SULF2: variants seen among roughly 807,000 people sequenced by gnomAD.
SULF2 encodes sulfatase 2.
In SULF2, 52 loss-of-function variants were observed where a neutral mutation model predicts 107.7. The ratio of observed to expected loss-of-function variants is 0.48; its 90% CI spans 0.39 to 0.61. The LOEUF is 0.61. Among genes scored for constraint, SULF2 ranks in the 20% least tolerant of loss-of-function variants. The pLI is 0.00. For missense variants in SULF2, 993 were observed against 1,177.3 expected, an observed-to-expected ratio of 0.84 and a Z score of 2.29; for synonymous variants, 460 against 464.3, an observed-to-expected ratio of 0.99 and a Z score of 0.12.
intron 3 of SULF2, among the ~76,000 whole-genome samples, chr20:47,736,038 T>A (rs1367726078): frequency 1.3e-5 from 2 of 152,130 alleles, no homozygotes; most frequent in Non-Finnish European, 2.9e-5. Flanking sequence ...ATGAATTGAG[T>A]CTGGAGGGTT....
chr20:47,771,724 G>A (rs890032633), intron 1 of SULF2, among the ~76,000 whole-genome samples: 1 of 152,178 alleles, frequency 6.6e-6, no homozygotes, highest in Non-Finnish European at 1.5e-5. Context: ...GGCGGGGGCA[G>A]TGATGATGAG....
At chr20:47,664,873 C>A (rs1453695416) in intron 14 of SULF2, among the ~76,000 whole-genome samples, 2 of 152,220 alleles carry the variant, frequency 1.3e-5, no homozygotes, top group African/African-American at 2.4e-5. Context: ...GACCCCTAAG[C>A]CGGGAACATG....
chr20:47,708,756 T>C (rs996738030), intron 3 of SULF2, among the ~76,000 whole-genome samples: 7 of 152,152 alleles, frequency 4.6e-5, no homozygotes, highest in Non-Finnish European at 8.8e-5. Flanking sequence ...TGCTGGAGTT[T>C]AGCTTCTTGG....
chr20:47,746,992 AAAATAT>A (rs1193184786), intron 2 of SULF2, among the ~76,000 whole-genome samples: 1,291 of 90,216 alleles, frequency 0.014, 7 homozygotes, highest in Middle Eastern at 0.058. Context: ...TAAAAAAAAA[AAAATAT>A]ATATATATAT....
intron 10 of SULF2, among the ~76,000 whole-genome samples, chr20:47,674,901 A>G (rs2087591740): frequency 6.6e-6 from 1 of 152,114 alleles, no homozygotes; most frequent in Admixed American, 6.5e-5. Context: ...CAGACGTCTG[A>G]GCCTGAGGTC....
intron 1 of SULF2, among the ~76,000 whole-genome samples, chr20:47,778,468 C>T (rs555608326): frequency 1.5e-4 from 23 of 152,358 alleles, no homozygotes; most frequent in Non-Finnish European, 3.4e-4. Flanking sequence ...CACTGGGCAA[C>T]GTGTGCTTTG....
At position 47,666,238 on chromosome 20, in the gene SULF2, C is replaced by T. The variant is rs373539409; in HGVS notation, c.1805+22G>A. 5.0e-6 allele frequency: 8 copies of T among 1,612,804 alleles called. No homozygotes were observed. In the African/African-American group the frequency reaches 5.4e-5, roughly 11 times the overall value. ...AGGTCTGTCCTGTCCCCTTCACCCT[C>T]GACTTCCACCTGGACACTCACCGAT... On this transcript the variant is annotated intron_variant, in intron 12 of 20. Coordinates refer to ENST00000688720, the MANE Select transcript of SULF2 (RefSeq NM_001387048.1). This position sits in a 1 kb window ranked among gnomAD's most constrained non-coding sequence, Gnocchi z 5.4.
chr20:47,694,875 C>T lies in SULF2; in HGVS notation c.568-4580G>A, dbSNP rs1459048922. On this transcript the variant is annotated intron_variant, in intron 4 of 20. Coordinates refer to ENST00000688720, the MANE Select transcript of SULF2 (RefSeq NM_001387048.1). This position sits in a 1 kb window ranked among gnomAD's most constrained non-coding sequence, Gnocchi z 4.4. Reference sequence around the variant, plus strand: ...TATCAAATACCTTAGCTCAGCTGATCGTCACAGCAACTTTGACAAGTGGAC... The same window carrying T: ...TATCAAATACCTTAGCTCAGCTGATTGTCACAGCAACTTTGACAAGTGGAC... Among the ~76,000 whole-genome samples, 1 of 152,208 alleles carries T rather than the reference C, an allele frequency of 6.6e-6. No homozygotes were observed. Among genetic ancestry groups the T allele is most frequent in the Middle Eastern group, 3.2e-3 (1 of 316 alleles).
chr20:47,742,927 A>ATTTTTTTTTTTTTTTTTTT lies in SULF2; in HGVS notation c.176-6004_176-5986dup, dbSNP rs397837137. Among the ~76,000 whole-genome samples, 10 of 99,452 alleles carry ATTTTTTTTTTTTTTTTTTT rather than the reference A, an allele frequency of 1.0e-4. 5 individuals are homozygous for ATTTTTTTTTTTTTTTTTTT. The highest frequency in any genetic ancestry group is 1.5e-4 in the African/African-American group (4 of 26,164). The allele number at this position is 99,452 out of a possible 152,430, so 65.2% of individuals were successfully genotyped here. A position where few individuals can be genotyped will look rare whatever the true frequency, so the allele number is the denominator to read the frequency against. Reference sequence around the variant, plus strand: ...AGGGAGTTTCAGGATTCAAAACATGATTTTTTTTTTTTTTTTTTTTTTTTT... The same window carrying ATTTTTTTTTTTTTTTTTTT: ...AGGGAGTTTCAGGATTCAAAACATGATTTTTTTTTTTTTTTTTTTTTTTTTTTTTTTTTTTTTTTTTTTT... On this transcript the variant is annotated intron_variant, in intron 2 of 20. Coordinates refer to ENST00000688720, the MANE Select transcript of SULF2 (RefSeq NM_001387048.1).
rs1306467346 is a variant in SULF2 at position 47,741,064 on chromosome 20, G to A, written c.176-4122C>T. Among the ~76,000 whole-genome samples, 4 of 152,126 alleles carry A rather than the reference G, an allele frequency of 2.6e-5. No individual in the cohort carries two copies. The East Asian group carries it at 5.8e-4, about 22-fold the overall frequency. On this transcript the variant is annotated intron_variant, in intron 2 of 20. Transcript: ENST00000688720. The stretch of plus-strand genomic sequence containing the variant: ...TTGCCACCTCCCCCGTGGGTCAGGC[G>A]ATCATCCTCTCTCCCTGAAATCAGG...
intron 3 of SULF2, among the ~76,000 whole-genome samples, chr20:47,708,956 C>T (rs779774254): frequency 6.6e-6 from 1 of 152,204 alleles, no homozygotes; most frequent in Non-Finnish European, 1.5e-5. Context: ...TATTCAGTCT[C>T]CACCAGGCCC....
intron 3 of SULF2, among the ~76,000 whole-genome samples, chr20:47,720,945 T>C (rs1256392380): frequency 1.3e-5 from 2 of 152,164 alleles, no homozygotes; most frequent in African/African-American, 2.4e-5. Flanking sequence ...AAATATTAGA[T>C]GTGAAATGCC....
intron 1 of SULF2, among the ~76,000 whole-genome samples, chr20:47,764,991 A>C (rs1252173816): frequency 6.6e-6 from 1 of 152,124 alleles, no homozygotes; most frequent in African/African-American, 2.4e-5. Flanking sequence ...GTCGTGCAGC[A>C]TGGGTGCTGA....
At chr20:47,748,790 C>G (rs529494179) in intron 2 of SULF2, among the ~76,000 whole-genome samples, 42 of 152,336 alleles carry the variant, frequency 2.8e-4, no homozygotes, top group African/African-American at 9.9e-4. Flanking sequence ...GGGTGACCCT[C>G]TGTGTCCCTG....
rs924145538 is a variant in SULF2 at position 47,666,754 on chromosome 20, C to T, written c.1577-266G>A. 2.0e-5 allele frequency among the ~76,000 whole-genome samples: 3 copies of T among 152,214 alleles called. No homozygotes were observed. Among genetic ancestry groups the T allele is most frequent in the Admixed American group, 6.5e-5 (1 of 15,284 alleles). ...GAGGATTTCAAGCGAGAGCTGCTTG[C>T]GGGTAAACAAATGGCGGTACATCAT... On this transcript the variant is annotated intron_variant, in intron 11 of 20. Transcript: ENST00000688720. This position sits in a 1 kb window ranked among gnomAD's most constrained non-coding sequence, Gnocchi z 5.4.
intron 2 of SULF2, among the ~76,000 whole-genome samples, chr20:47,741,980 C>T (rs1194314647): frequency 6.6e-6 from 1 of 152,188 alleles, no homozygotes; most frequent in Non-Finnish European, 1.5e-5. Context: ...CCAGAGGAAG[C>T]GAGCTGTGAG....
chr20:47,673,678 G>A (rs2087549992), intron 10 of SULF2, among the ~76,000 whole-genome samples: 1 of 152,188 alleles, frequency 6.6e-6, no homozygotes, highest in Non-Finnish European at 1.5e-5. Context: ...CCAGCAACCT[G>A]GATTCCTTAG....
At position 47,703,695 on chromosome 20, in the gene SULF2, C is replaced by G. The variant is rs542378438; in HGVS notation, c.416-1025G>C. ...AACAGAAAAGTATTCATACACTCAC[C>G]TAAACTCAGGTACAAGACATGACAG... On this transcript the variant is annotated intron_variant, in intron 3 of 20. Transcript: ENST00000688720. Among the ~76,000 whole-genome samples the G allele has an allele frequency of 3.3e-5, 5 of 152,260 alleles. No homozygotes were observed. In the East Asian group the frequency reaches 9.7e-4, roughly 29 times the overall value.
upstream of SULF2, chr20:47,786,386 C>G (rs1465190031): frequency 6.6e-6 from 1 of 152,126 alleles, no homozygotes; most frequent in Non-Finnish European, 1.5e-5. Context: ...TAAATGTTTT[C>G]TTTTATCTGC....
Sources: allele counts gnomAD v4.1 joint callset (sites outside exome capture counted in the v4.1 genomes callset), GRCh38; gene constraint gnomAD v4.1.1; non-coding constraint Gnocchi (gnomAD v3.1); transcripts MANE v1.5; gene names NCBI Gene and HGNC (gene_info 2026-07-23, HGNC 2026-07-21).